Variants in SEL1L3 observed in about 807,000 individuals in gnomAD.
The protein encoded by SEL1L3 is SEL1L family member 3, also known as protein sel-1 homolog 3.
In SEL1L3, 76 loss-of-function variants were observed where a neutral mutation model predicts 142.8. The observed-to-expected ratio is 0.53, with a 90% CI of 0.44 to 0.64. The LOEUF (loss-of-function observed/expected upper bound fraction) is 0.64, where lower values mean the gene tolerates loss of function less well. Ranked by LOEUF, SEL1L3 falls within the 30% of genes least tolerant of loss-of-function variation. The pLI is 0.00. For missense variants in SEL1L3, 1,262 were observed against 1,381.7 expected (o/e 0.91, Z 1.37); for synonymous variants, 504 against 519.6 (o/e 0.97, Z 0.41).
the SEL1L3 span, among the ~76,000 whole-genome samples, chr4:25,714,486 TTC>T: frequency 1.7e-5 from 2 of 119,974 alleles, no homozygotes; most frequent in Admixed American, 8.1e-5. Flanking sequence ...CTTTCTTTCT[TTC>T]TCTTTCTTTC....
At chr4:25,724,676 G>T in the SEL1L3 span, among the ~76,000 whole-genome samples, 1 of 131,414 alleles carries the variant, frequency 7.6e-6, no homozygotes, top group Admixed American at 8.7e-5. Flanking sequence ...GGCGGAGCTT[G>T]CAGTGAGCCA....
At chr4:25,806,228 A>G (rs1337148360) in intron 9 of SEL1L3, among the ~76,000 whole-genome samples, 1 of 151,372 alleles carries the variant, frequency 6.6e-6, no homozygotes, top group Non-Finnish European at 1.5e-5. Context: ...TAGTAGAGAG[A>G]GGGTTTCACC....
chr4:25,715,998 T>C, the SEL1L3 span, among the ~76,000 whole-genome samples: 1 of 152,214 alleles, frequency 6.6e-6, no homozygotes, highest in Non-Finnish European at 1.5e-5. Flanking sequence ...CTATGTGCTG[T>C]ATGCATTATC....
At chr4:25,732,674 AT>A in the SEL1L3 span, among the ~76,000 whole-genome samples, 2,097 of 150,682 alleles carry the variant, frequency 0.014, 24 homozygotes, top group South Asian at 0.043. Context: ...GCCCCACCAC[AT>A]TTTTTTTTGT....
chr4:25,797,574 G>T (rs963866734), intron 11 of SEL1L3, among the ~76,000 whole-genome samples: 3 of 152,186 alleles, frequency 2.0e-5, no homozygotes, highest in East Asian at 1.9e-4. Context: ...TACGATGGTG[G>T]TGCTGCATGC....
chr4:25,786,741 T>C (rs971217058), intron 13 of SEL1L3, among the ~76,000 whole-genome samples: 6 of 152,220 alleles, frequency 3.9e-5, no homozygotes, highest in African/African-American at 1.2e-4. Flanking sequence ...TGGATGCTTA[T>C]TGAACAAACA....
the SEL1L3 span, among the ~76,000 whole-genome samples, chr4:25,738,932 A>G: frequency 0.7 from 106,878 of 152,050 alleles, 37,640 homozygotes; most frequent in East Asian, 0.78. Flanking sequence ...TTGGCTGGGC[A>G]CAGTGGCTCA....
intron 10 of SEL1L3, among the ~76,000 whole-genome samples, chr4:25,803,235 T>C (rs1417084638): frequency 6.6e-6 from 1 of 152,276 alleles, no homozygotes; most frequent in African/African-American, 2.4e-5. Flanking sequence ...AAGTCGATTG[T>C]CCATGGTCAA....
chr4:25,821,846 G>T, intron 7 of SEL1L3, 150 bp downstream of exon 7: 1 of 782,982 alleles, frequency 1.3e-6, no homozygotes, highest in Non-Finnish European at 2.0e-6. Flanking sequence ...GCATTTGCTG[G>T]GGGAAAAGCC....
At chr4:25,838,185 C>G (rs1240758587) in intron 2 of SEL1L3, among the ~76,000 whole-genome samples, 1 of 152,172 alleles carries the variant, frequency 6.6e-6, no homozygotes, top group Non-Finnish European at 1.5e-5. Flanking sequence ...CAAAGAATGA[C>G]CTTTCTTCTT....
intron 23 of SEL1L3, chr4:25,756,481 A>AT (rs905519221): frequency 2.8e-5 from 28 of 984,178 alleles, no homozygotes; most frequent in African/African-American, 3.5e-5. Context: ...TCTTACGTGC[A>AT]TTTTTTTTCA....
At chr4:25,850,347 CTCAT>C (rs1215915620) in intron 1 of SEL1L3, among the ~76,000 whole-genome samples, 1 of 152,118 alleles carries the variant, frequency 6.6e-6, no homozygotes, top group African/African-American at 2.4e-5. Flanking sequence ...CAAGTAAATG[CTCAT>C]TCATAGTAAG....
chr4:25,764,528 T>C (rs937254587), intron 20 of SEL1L3, among the ~76,000 whole-genome samples: 1 of 152,158 alleles, frequency 6.6e-6, no homozygotes, highest in African/African-American at 2.4e-5. Context: ...AATAAGAAGT[T>C]TCCAAAAAAA....
chr4:25,847,012 T>G (rs901750170), intron 2 of SEL1L3, among the ~76,000 whole-genome samples: 7 of 151,868 alleles, frequency 4.6e-5, no homozygotes, highest in Non-Finnish European at 7.4e-5. Context: ...TGAATACTCC[T>G]TTCCAGCTTA....
intron 23 of SEL1L3, among the ~76,000 whole-genome samples, chr4:25,750,513 G>A (rs900697035): frequency 3.3e-5 from 5 of 152,168 alleles, no homozygotes; most frequent in African/African-American, 1.2e-4. Flanking sequence ...GTATACAGGG[G>A]AAAACCCTAG....
At chr4:25,727,749 C>T in the SEL1L3 span, among the ~76,000 whole-genome samples, 2 of 152,156 alleles carry the variant, frequency 1.3e-5, no homozygotes, top group East Asian at 1.9e-4. Flanking sequence ...CCCTGAGACA[C>T]GCTGGCACTC....
At chr4:25,743,992 C>T (rs908308811), downstream of SEL1L3, among the ~76,000 whole-genome samples, 1 of 152,136 alleles carries the variant, frequency 6.6e-6, no homozygotes, top group Admixed American at 6.6e-5. Flanking sequence ...GGACCCAGAT[C>T]ATACAGCCTT....
chr4:25,767,665 A>G (rs1237277684), intron 18 of SEL1L3, 56 bp from the exon 19 acceptor site: 4 of 1,477,464 alleles, frequency 2.7e-6, no homozygotes, highest in Admixed American at 1.9e-5. Flanking sequence ...CAAGTGACCA[A>G]CGTTGCCTCC....
intron 9 of SEL1L3, among the ~76,000 whole-genome samples, chr4:25,814,299 G>A (rs1380200046): frequency 6.6e-6 from 1 of 152,080 alleles, no homozygotes. Flanking sequence ...TTCTATCCTG[G>A]CTCGTAGGGG....
Sources: gnomAD v4.1 joint callset for allele counts (sites outside exome capture counted in the v4.1 genomes callset) on GRCh38, gnomAD v4.1.1 for gene constraint, MANE v1.5 for transcripts, NCBI Gene and HGNC (gene_info 2026-07-23, HGNC 2026-07-21) for gene names.